The following KCNIP4 variants were observed in gnomAD, a reference collection of about 807,000 sequenced individuals.
KCNIP4 encodes the protein potassium voltage-gated channel interacting protein 4, also known as Kv channel-interacting protein 4.
A neutral mutation model predicts 34.0 loss-of-function variants in KCNIP4; 12 were observed. That is an observed-to-expected ratio of 0.35 (90% CI 0.23 to 0.57). KCNIP4 has a LOEUF of 0.57. Ranked by LOEUF, KCNIP4 falls within the 20% of genes least tolerant of loss-of-function variation. The pLI is 0.83. For missense variants in KCNIP4, 238 were observed against 311.7 expected, an observed-to-expected ratio of 0.76 and a Z score of 1.78; for synonymous variants, 124 against 102.2, an observed-to-expected ratio of 1.21 and a Z score of -1.29.
At chr4:20,980,172 G>A (rs1051947796) in intron 1 of KCNIP4, among the ~76,000 whole-genome samples, 3 of 152,206 alleles carry the variant, frequency 2.0e-5, no homozygotes, top group South Asian at 4.1e-4. Flanking sequence ...CTGCTGCCTT[G>A]TTTAGTAAGT....
At chr4:20,991,956 A>G (rs1163780274) in intron 1 of KCNIP4, among the ~76,000 whole-genome samples, 1 of 152,218 alleles carries the variant, frequency 6.6e-6, no homozygotes, top group African/African-American at 2.4e-5. Context: ...GGGTGTCCTC[A>G]GAGCTGCGTA....
intron 1 of KCNIP4, among the ~76,000 whole-genome samples, chr4:21,520,127 A>G (rs1361171208): frequency 2.0e-5 from 3 of 152,040 alleles, no homozygotes; most frequent in African/African-American, 4.8e-5. Flanking sequence ...CAAGCTGGCA[A>G]CTGATTAGAT....
intron 8 of KCNIP4, among the ~76,000 whole-genome samples, chr4:20,731,019 TAAAGAG>T (rs1200797219): frequency 6.6e-6 from 1 of 152,162 alleles, no homozygotes; most frequent in Non-Finnish European, 1.5e-5. Flanking sequence ...AATTTAAAAA[TAAAGAG>T]AAAAACTAAA....
Position 21,309,636 on chromosome 4 carries a change from A to T in KCNIP4, c.62-426927T>A, listed in dbSNP as rs554790880. ...GATTATTTCACTGTATCCTCTGTAAACCCTATGAGGCAGCTACTAATGCTA... is the reference window on the plus strand; with the variant it reads ...GATTATTTCACTGTATCCTCTGTAATCCCTATGAGGCAGCTACTAATGCTA... On this transcript the variant is annotated intron_variant, in intron 1 of 8. Coordinates refer to ENST00000382152, the MANE Select transcript of KCNIP4 (RefSeq NM_025221.6). Among the ~76,000 whole-genome samples the T allele has an allele frequency of 3.3e-4, 51 of 152,248 alleles. No individual in the cohort carries two copies. In the South Asian group the frequency reaches 0.01, roughly 31 times the overall value.
At chr4:21,187,749 C>A (rs1388754623) in intron 1 of KCNIP4, among the ~76,000 whole-genome samples, 1 of 151,972 alleles carries the variant, frequency 6.6e-6, no homozygotes, top group Non-Finnish European at 1.5e-5. Flanking sequence ...GCAGATCATG[C>A]ACTCTCTATG....
chr4:20,940,095 T>A (rs2149617001), intron 1 of KCNIP4, among the ~76,000 whole-genome samples: 1 of 152,300 alleles, frequency 6.6e-6, no homozygotes, highest in East Asian at 1.9e-4. Flanking sequence ...CGCAATGATG[T>A]GCCTCTGGTT....
chr4:21,306,602 T>C (rs554477568), intron 1 of KCNIP4, among the ~76,000 whole-genome samples: 2 of 152,308 alleles, frequency 1.3e-5, no homozygotes, highest in Admixed American at 6.5e-5. Context: ...TCCAAACTAG[T>C]AGTTAATTAA....
chr4:21,756,968 G>C (rs1717571929), intron 1 of KCNIP4, among the ~76,000 whole-genome samples: 3 of 151,314 alleles, frequency 2.0e-5, no homozygotes, highest in Non-Finnish European at 4.4e-5. Context: ...GTGGTAGCAG[G>C]CACCTGTAAT....
At chr4:21,013,147 G>A (rs931336705) in intron 1 of KCNIP4, among the ~76,000 whole-genome samples, 2 of 152,156 alleles carry the variant, frequency 1.3e-5, no homozygotes, top group South Asian at 2.1e-4. Context: ...CTAAACAGAG[G>A]AGGTAGCACA....
At chr4:21,101,706 G>A (rs1041415785) in intron 1 of KCNIP4, among the ~76,000 whole-genome samples, 5 of 152,036 alleles carry the variant, frequency 3.3e-5, no homozygotes, top group African/African-American at 7.2e-5. Context: ...CTTAAAACAC[G>A]TGAGCTTTAT....
intron 1 of KCNIP4, among the ~76,000 whole-genome samples, chr4:21,308,132 C>T (rs1232371791): frequency 6.6e-6 from 1 of 152,144 alleles, no homozygotes; most frequent in Non-Finnish European, 1.5e-5. Context: ...TCCTGTAGGG[C>T]CTTGAATTCC....
At chr4:21,424,137 AGT>A (rs943334318) in intron 1 of KCNIP4, among the ~76,000 whole-genome samples, 2 of 151,786 alleles carry the variant, frequency 1.3e-5, no homozygotes, top group Non-Finnish European at 2.9e-5. Flanking sequence ...TTAAAAATGT[AGT>A]GTTTCCTTAT....
intron 1 of KCNIP4, among the ~76,000 whole-genome samples, chr4:21,685,313 T>C (rs1750720594): frequency 6.6e-6 from 1 of 152,226 alleles, no homozygotes; most frequent in African/African-American, 2.4e-5. Flanking sequence ...TTACAAATGC[T>C]GGCTTGTAAA....
Position 20,893,744 on chromosome 4 carries a change from C to T in KCNIP4, c.62-11035G>A, listed in dbSNP as rs564018640. 3.9e-4 allele frequency among the ~76,000 whole-genome samples: 59 copies of T among 151,930 alleles called. 2 individuals are homozygous for T. In the South Asian group the frequency reaches 0.012, roughly 32 times the overall value. ...CAGCCACCTTGCCTCTTTGATCTCA[C>T]CTGTATATGAGGTAAGCAGCCAAAG... On this transcript the variant is annotated intron_variant, in intron 1 of 8. Coordinates refer to ENST00000382152, the MANE Select transcript of KCNIP4 (RefSeq NM_025221.6).
chr4:21,541,777 G>A (rs1737716477), intron 1 of KCNIP4, among the ~76,000 whole-genome samples: 1 of 152,034 alleles, frequency 6.6e-6, no homozygotes, highest in African/African-American at 2.4e-5. Context: ...GGGTAGCTAG[G>A]AACACAGGCA....
chr4:21,856,011 C>T (rs1724730693), intron 1 of KCNIP4, among the ~76,000 whole-genome samples: 2 of 152,182 alleles, frequency 1.3e-5, no homozygotes, highest in South Asian at 2.1e-4. Flanking sequence ...CAGTTCTAGG[C>T]CACCATTCCT....
At chr4:21,234,961 G>A (rs76472454) in intron 1 of KCNIP4, among the ~76,000 whole-genome samples, 2,950 of 151,778 alleles carry the variant, frequency 0.019, 99 homozygotes, top group African/African-American at 0.066. Flanking sequence ...TTTTTTTAAC[G>A]TATAAAATAA....
rs770533524 is a variant in KCNIP4 at position 20,850,622 on chromosome 4, G to T, written c.209C>A (p.Pro70His). The T allele has an allele frequency of 1.9e-6, 3 of 1,612,482 alleles. No homozygotes were observed. The highest frequency in any genetic ancestry group is 1.7e-6 in the Non-Finnish European group (2 of 1,179,654). Residue 70 changes from proline to histidine, a missense_variant, in exon 3 of 9, where the codon CCT becomes CAT. Pro to His is a moderately conservative substitution (Grantham distance 77). Coordinates refer to ENST00000382152, the MANE Select transcript of KCNIP4 (RefSeq NM_025221.6). ...ELEMATVRHR[P>H]EALELLEAQS... ...GGCTTCCAGAAGCTCAAGGGCTTCA[G>T]GCCGATGCCTGACGGTGGCCATCTC...
chr4:21,898,113 T>C (rs1193806501), intron 1 of KCNIP4, among the ~76,000 whole-genome samples: 1 of 152,110 alleles, frequency 6.6e-6, no homozygotes, highest in Non-Finnish European at 1.5e-5. Flanking sequence ...AAAGTGTCCA[T>C]CCCATTGGTC....
Sources: allele counts gnomAD v4.1 joint callset (sites outside exome capture counted in the v4.1 genomes callset), GRCh38; gene constraint gnomAD v4.1.1; transcripts MANE v1.5; gene names NCBI Gene and HGNC (gene_info 2026-07-23, HGNC 2026-07-21).